Variants in CALN1 observed in about 807,000 individuals in gnomAD.
The protein encoded by CALN1 is calcium-binding protein 8.
Under a neutral mutation model 30.6 loss-of-function variants are expected in CALN1, and 17 were observed. The observed-to-expected ratio is 0.56, with a 90% CI of 0.38 to 0.83. The LOEUF is 0.83. Among genes scored for constraint, CALN1 ranks in the 40% least tolerant of loss-of-function variants. The pLI, the probability that CALN1 is intolerant of heterozygous loss-of-function variation, is 0.00. For synonymous variants in CALN1, 156 were observed against 131.4 expected, an observed-to-expected ratio of 1.19 and a Z score of -1.28; for missense variants, 291 against 354.9, an observed-to-expected ratio of 0.82 and a Z score of 1.45.
At chr7:72,378,637 C>T (rs1246103684) in intron 2 of CALN1, among the ~76,000 whole-genome samples, 1 of 151,930 alleles carries the variant, frequency 6.6e-6, no homozygotes, top group African/African-American at 2.4e-5. Flanking sequence ...CTTTCATATA[C>T]CTTAGAATCT....
intron 4 of CALN1, among the ~76,000 whole-genome samples, chr7:72,032,776 G>A (rs757196149): frequency 3.3e-5 from 5 of 152,166 alleles, no homozygotes; most frequent in African/African-American, 4.8e-5. Flanking sequence ...TCCATTCCCA[G>A]GGAGGGGATA....
At chr7:71,944,759 C>A (rs763246265) in intron 5 of CALN1, among the ~76,000 whole-genome samples, 1 of 152,120 alleles carries the variant, frequency 6.6e-6, no homozygotes, top group Non-Finnish European at 1.5e-5. Context: ...AGTCAAGAAT[C>A]TGTTATGTTT....
chr7:72,330,789 T>C (rs983849767), intron 2 of CALN1, among the ~76,000 whole-genome samples: 1 of 150,108 alleles, frequency 6.7e-6, no homozygotes, highest in Non-Finnish European at 1.5e-5. Context: ...CTTTTTAAAA[T>C]AGATTGTCAC....
intron 4 of CALN1, among the ~76,000 whole-genome samples, chr7:72,099,558 T>A (rs1278013812): frequency 6.6e-6 from 1 of 152,000 alleles, no homozygotes; most frequent in African/African-American, 2.4e-5. Flanking sequence ...CCTGAGAAGT[T>A]TACTCATTGG....
intron 1 of CALN1, among the ~76,000 whole-genome samples, chr7:72,409,371 G>A (rs940553755): frequency 1.7e-4 from 26 of 150,522 alleles, no homozygotes; most frequent in Middle Eastern, 3.2e-3. Context: ...AGGCTGAAAT[G>A]ATGAGGTTGG....
chr7:71,949,973 A>C (rs903791386), intron 5 of CALN1, among the ~76,000 whole-genome samples: 3 of 152,044 alleles, frequency 2.0e-5, no homozygotes, highest in African/African-American at 7.2e-5. Flanking sequence ...TGTGTTAGCC[A>C]GGATGGTCTC....
chr7:72,203,975 CTCTCTTTTTTTT>C (rs1341343349), intron 3 of CALN1, among the ~76,000 whole-genome samples: 3 of 101,582 alleles, frequency 3.0e-5, no homozygotes, highest in African/African-American at 1.6e-4. Flanking sequence ...TAAGAGGCCT[CTCTCTTTTTTTT>C]TTTTTTTTTT....
chr7:72,178,624 G>C (rs978853542), intron 3 of CALN1, among the ~76,000 whole-genome samples: 2 of 151,780 alleles, frequency 1.3e-5, no homozygotes, highest in African/African-American at 4.8e-5. Flanking sequence ...GGGAGGCGGA[G>C]GTTGCAGTGA....
chr7:72,145,240 G>A (rs1414094231), intron 3 of CALN1, among the ~76,000 whole-genome samples: 1 of 151,926 alleles, frequency 6.6e-6, no homozygotes, highest in African/African-American at 2.4e-5. Context: ...TAATAAAGAA[G>A]CAAAGAGAGA....
intron 4 of CALN1, among the ~76,000 whole-genome samples, chr7:72,048,425 T>C (rs886559554): frequency 6.6e-6 from 1 of 152,052 alleles, no homozygotes; most frequent in African/African-American, 2.4e-5. Flanking sequence ...AGCACCTGCA[T>C]GTGACATGAT....
the CALN1 span, among the ~76,000 whole-genome samples, chr7:72,501,080 C>T: frequency 0.17 from 25,318 of 152,050 alleles, 2,431 homozygotes; most frequent in African/African-American, 0.25. Flanking sequence ...TCTCTCCTCT[C>T]TTCCCATATC....
intron 4 of CALN1, among the ~76,000 whole-genome samples, chr7:72,041,811 A>G (rs900136941): frequency 6.6e-6 from 1 of 152,168 alleles, no homozygotes; most frequent in Non-Finnish European, 1.5e-5. Flanking sequence ...AAGTCTCATG[A>G]GATCTGATGA....
intron 3 of CALN1, among the ~76,000 whole-genome samples, chr7:72,218,601 G>T (rs1288598160): frequency 6.6e-6 from 1 of 152,128 alleles, no homozygotes; most frequent in Non-Finnish European, 1.5e-5. Flanking sequence ...TGTAGAGGAC[G>T]CCATGCTTGA....
chr7:72,481,888 T>C, the CALN1 span, among the ~76,000 whole-genome samples: 1 of 152,230 alleles, frequency 6.6e-6, no homozygotes, highest in Non-Finnish European at 1.5e-5. Context: ...TCTATAAATA[T>C]CATTTAGATA....
chr7:72,390,119 G>A (rs1805483372), intron 2 of CALN1, among the ~76,000 whole-genome samples: 1 of 152,054 alleles, frequency 6.6e-6, no homozygotes, highest in Non-Finnish European at 1.5e-5. Context: ...GAAAAAAGAA[G>A]CACTGGCTCT....
intron 3 of CALN1, among the ~76,000 whole-genome samples, chr7:72,245,444 C>A (rs532798585): frequency 7.9e-5 from 12 of 151,224 alleles, no homozygotes; most frequent in South Asian, 2.1e-4. Flanking sequence ...CATGGTGAAA[C>A]CCCCATCTCT....
intron 4 of CALN1, among the ~76,000 whole-genome samples, chr7:72,089,633 T>C (rs1349308917): frequency 1.3e-5 from 2 of 152,124 alleles, no homozygotes; most frequent in Non-Finnish European, 2.9e-5. Context: ...CAGTGACCAC[T>C]GCGCATAAAG....
chr7:72,313,547 C>G lies in CALN1; in HGVS notation c.120-34737G>C, dbSNP rs530303537. Among the ~76,000 whole-genome samples the G allele has an allele frequency of 5.3e-5, 8 of 152,198 alleles. No individual in the cohort carries two copies. In the East Asian group the frequency reaches 1.6e-3, roughly 30 times the overall value. On this transcript the variant is annotated intron_variant, in intron 2 of 6. Coordinates refer to ENST00000395275, the MANE Select transcript of CALN1 (RefSeq NM_031468.4). ...AGCTGGGACTATCGGTGCGTACCAC[C>G]ATGCCTGGCTCATTGTTTTGTACTT...
chr7:72,443,924 A>T (rs1028783498), intron 1 of CALN1, among the ~76,000 whole-genome samples: 11 of 133,128 alleles, frequency 8.3e-5, no homozygotes, highest in South Asian at 3.0e-4. Flanking sequence ...GCTCACTGCA[A>T]ACTCCGGGAG....
Sources: allele counts gnomAD v4.1 joint callset (sites outside exome capture counted in the v4.1 genomes callset), GRCh38; gene constraint gnomAD v4.1.1; transcripts MANE v1.5; gene names NCBI Gene and HGNC (gene_info 2026-07-23, HGNC 2026-07-21).